MINDY3: variants seen among roughly 807,000 people sequenced by gnomAD.
The protein encoded by MINDY3 is ubiquitin carboxyl-terminal hydrolase MINDY-3.
In MINDY3, 38 loss-of-function variants were observed where a neutral mutation model predicts 69.2. That is an observed-to-expected ratio of 0.55 (90% CI 0.42 to 0.72). The LOEUF is 0.72. Ranked by LOEUF, MINDY3 falls within the 30% of genes least tolerant of loss-of-function variation. MINDY3 has a pLI of 0.00. For synonymous variants in MINDY3, 192 were observed against 180.1 expected (o/e 1.07, Z -0.53); for missense variants, 522 against 519.0 (o/e 1.01, Z -0.06).
chr10:15,822,050 G>A (rs1839804883), intron 8 of MINDY3, among the ~76,000 whole-genome samples: 1 of 152,056 alleles, frequency 6.6e-6, no homozygotes, highest in Admixed American at 6.6e-5. Flanking sequence ...AATACAAGAA[G>A]AAAAAGAGAC....
chr10:15,799,903 T>A (rs755437117), intron 10 of MINDY3, among the ~76,000 whole-genome samples: 1 of 152,068 alleles, frequency 6.6e-6, no homozygotes, highest in Non-Finnish European at 1.5e-5. Flanking sequence ...CTATTAGAAA[T>A]AGAATATTAG....
Position 15,860,276 on chromosome 10 carries a change from C to A in MINDY3, c.24G>T (p.Leu8=). The stretch of plus-strand genomic sequence containing the variant: ...TCTTGGTGCCCCACACCAGCTCCAT[C>A]AGCTCTTTAGTCAGTTCGGACATGA... MSELTKE[L]MELVWGTKSS... The change falls in exon 1 of 15, where the codon CTG becomes CTT. Residue 8 remains leucine, a synonymous_variant. Transcript: ENST00000277632. 6.2e-7 allele frequency: 1 copy of A among 1,608,830 alleles called. No homozygotes were observed. The highest frequency in any genetic ancestry group is 8.5e-7 in the Non-Finnish European group (1 of 1,177,724).
intron 1 of MINDY3, among the ~76,000 whole-genome samples, chr10:15,859,608 T>C (rs548357611): frequency 1.3e-5 from 2 of 151,982 alleles, no homozygotes; most frequent in South Asian, 4.1e-4. Flanking sequence ...ATGATCCATA[T>C]TCCTTTTTTA....
At chr10:15,787,237 G>C (rs1201480328) in intron 12 of MINDY3, among the ~76,000 whole-genome samples, 1 of 152,146 alleles carries the variant, frequency 6.6e-6, no homozygotes, top group Non-Finnish European at 1.5e-5. Context: ...TATTGGTCCA[G>C]CAGCAGCCTA....
At chr10:15,780,333 A>G (rs549432632) in intron 14 of MINDY3, among the ~76,000 whole-genome samples, 2 of 152,368 alleles carry the variant, frequency 1.3e-5, no homozygotes, top group East Asian at 3.9e-4. Flanking sequence ...TTTAGTTAAT[A>G]TATTAGTTTC....
At position 15,782,220 on chromosome 10, in the gene MINDY3, T is replaced by C. The variant is rs1836597861; in HGVS notation, c.1123A>G (p.Ser375Gly). The change falls in exon 14 of 15, where the codon AGT (serine) becomes GGT (glycine). Residue 375 changes from serine to glycine, a missense_variant. Ser to Gly is a moderately conservative substitution (Grantham distance 56). Transcript: ENST00000277632. ...LQEFFPDQGS[S>G]GPESFTVYHY... ...TAGACAGTAAAAGATTCTGGACCAC[T>C]GGAGCCCTATTATAAATAAAGGACT... 1 of 1,600,174 alleles carries C rather than the reference T, an allele frequency of 6.2e-7. No homozygotes were observed. The highest frequency in any genetic ancestry group is 1.7e-5 in the Admixed American group (1 of 59,098).
chr10:15,808,488 A>C (rs1354016891), intron 10 of MINDY3, among the ~76,000 whole-genome samples: 1 of 152,174 alleles, frequency 6.6e-6, no homozygotes, highest in Non-Finnish European at 1.5e-5. Context: ...GAAAGGCTCT[A>C]ACAGTTCACC....
intron 2 of MINDY3, among the ~76,000 whole-genome samples, chr10:15,843,870 C>CA (rs1402690485): frequency 6.6e-6 from 1 of 152,118 alleles, no homozygotes; most frequent in Non-Finnish European, 1.5e-5. Flanking sequence ...GTCTACTTCT[C>CA]AAAGTGTAGT....
chr10:15,809,299 C>A (rs1588559429), intron 10 of MINDY3, among the ~76,000 whole-genome samples: 1 of 152,156 alleles, frequency 6.6e-6, no homozygotes. Context: ...ACAAATGTTA[C>A]ACAGCCTTCA....
intron 1 of MINDY3, among the ~76,000 whole-genome samples, chr10:15,851,883 C>G (rs1462876104): frequency 2.0e-5 from 3 of 152,084 alleles, no homozygotes; most frequent in Admixed American, 6.6e-5. Flanking sequence ...ATCTATCAAT[C>G]CAGCTGACTC....
intron 8 of MINDY3, among the ~76,000 whole-genome samples, chr10:15,829,277 T>C (rs1015918333): frequency 6.6e-6 from 1 of 152,206 alleles, no homozygotes; most frequent in African/African-American, 2.4e-5. Flanking sequence ...GAAAGTACCA[T>C]TGTTTTTAAC....
intron 6 of MINDY3, among the ~76,000 whole-genome samples, chr10:15,836,497 C>T (rs923211026): frequency 1.4e-4 from 22 of 151,790 alleles, no homozygotes; most frequent in African/African-American, 5.1e-4. Flanking sequence ...TCAATCAACG[C>T]TCAAAAAACA....
intron 10 of MINDY3, among the ~76,000 whole-genome samples, chr10:15,802,965 A>G (rs750766793): frequency 1.2e-4 from 18 of 152,278 alleles, no homozygotes; most frequent in South Asian, 2.1e-4. Flanking sequence ...AAGAGAAAAA[A>G]CCCAAGAGAT....
In MINDY3 at chr10:15,808,472, AAGAG is replaced by A. The variant is rs1391461770; in HGVS notation, c.882+8359_882+8362del. 5.9e-5 allele frequency among the ~76,000 whole-genome samples: 9 copies of A among 152,230 alleles called. 1 individual carries two copies. Among genetic ancestry groups the A allele is most frequent in the Admixed American group, 4.6e-4 (7 of 15,278 alleles). ...AGAACTGTCCAGTTTTTAAACACCT[AAGAG>A]AGAAAGGCTCTAACAGTTCACCGCA... On this transcript the variant is annotated intron_variant, in intron 10 of 14. Transcript: ENST00000277632.
chr10:15,858,862 C>A (rs991964329), intron 1 of MINDY3, among the ~76,000 whole-genome samples: 2 of 151,858 alleles, frequency 1.3e-5, no homozygotes, highest in Non-Finnish European at 2.9e-5. Flanking sequence ...ATAAGTAAGT[C>A]AAAGTGGGAA....
chr10:15,838,579 A>G (rs1264540915), intron 4 of MINDY3, among the ~76,000 whole-genome samples: 1 of 151,778 alleles, frequency 6.6e-6, no homozygotes, highest in South Asian at 2.1e-4. Context: ...AGTGCCTCAC[A>G]TATCATAATG....
intron 1 of MINDY3, among the ~76,000 whole-genome samples, chr10:15,851,595 G>C (rs542509066): frequency 6.6e-6 from 1 of 151,918 alleles, no homozygotes; most frequent in African/African-American, 2.4e-5. Context: ...GCTTCAAAAC[G>C]TATCTTTAAC....
rs1446768157 is a variant in MINDY3, at chr10:15,838,273, A to G, written c.416T>C (p.Leu139Ser). 2.5e-6 allele frequency: 4 copies of G among 1,603,152 alleles called. No homozygotes were observed. The highest frequency in any genetic ancestry group is 3.5e-5 in the Admixed American group (2 of 57,240). Residue 139 changes from leucine (L) to serine (S), a missense_variant, in exon 5 of 15, where the codon TTG (leucine) becomes TCG (serine). Physicochemically the swap from Leu to Ser is moderately radical, Grantham distance 145. Coordinates refer to ENST00000277632, the MANE Select transcript of MINDY3 (RefSeq NM_024948.4). The part of the protein sequence containing the change: ...SSCQVEHSSA[L>S]AVEELGFERF... ...CTCAAAGCCAAGCTCTTCGACAGCC[A>G]AGGCAGCTATACATAAAAGACACTT...
chr10:15,834,194 G>A (rs1314809603), intron 7 of MINDY3, among the ~76,000 whole-genome samples: 2 of 151,512 alleles, frequency 1.3e-5, no homozygotes, highest in Non-Finnish European at 1.5e-5. Context: ...AGGAAAATGG[G>A]GAATGTTTTT....
Sources: gnomAD v4.1 joint callset for allele counts (sites outside exome capture counted in the v4.1 genomes callset) on GRCh38, gnomAD v4.1.1 for gene constraint, MANE v1.5 for transcripts, NCBI Gene and HGNC (gene_info 2026-07-23, HGNC 2026-07-21) for gene names.